Variants in UNC5C observed in about 807,000 individuals in gnomAD.
UNC5C encodes the protein netrin receptor UNC5C.
In UNC5C, 47 loss-of-function variants were observed where a neutral mutation model predicts 99.8. The observed-to-expected ratio is 0.47, with a 90% CI of 0.37 to 0.60. The LOEUF (loss-of-function observed/expected upper bound fraction) is 0.60. Ranked by LOEUF, UNC5C falls within the 20% of genes least tolerant of loss-of-function variation. The pLI is 0.00. For missense variants in UNC5C, 1,062 were observed against 1,165.9 expected (o/e 0.91, Z 1.30); for synonymous variants, 487 against 452.2 (o/e 1.08, Z -0.98).
At chr4:95,314,037 A>G (rs1742377665) in intron 2 of UNC5C, among the ~76,000 whole-genome samples, 1 of 152,210 alleles carries the variant, frequency 6.6e-6, no homozygotes, top group Non-Finnish European at 1.5e-5. Context: ...AATCCATAAA[A>G]TGTCTTTAAA....
intron 1 of UNC5C, among the ~76,000 whole-genome samples, chr4:95,511,457 T>G (rs1560489232): frequency 6.6e-6 from 1 of 152,224 alleles, no homozygotes; most frequent in African/African-American, 2.4e-5. Flanking sequence ...GCCATTAGTA[T>G]TAAAAGTGTT....
intron 1 of UNC5C, among the ~76,000 whole-genome samples, chr4:95,445,647 G>GA (rs1309072045): frequency 6.6e-6 from 1 of 152,154 alleles, no homozygotes; most frequent in African/African-American, 2.4e-5. Context: ...ATTTAGAGGA[G>GA]AAAGTACAAG....
At chr4:95,462,632 T>C (rs893372437) in intron 1 of UNC5C, among the ~76,000 whole-genome samples, 1 of 152,220 alleles carries the variant, frequency 6.6e-6, no homozygotes, top group African/African-American at 2.4e-5. Context: ...TTAACTGCTG[T>C]AATGTTTTAG....
chr4:95,198,325 C>T lies in UNC5C; in HGVS notation c.2136+4406G>A, dbSNP rs189127990. On this transcript the variant is annotated intron_variant, in intron 12 of 15. Coordinates refer to ENST00000453304, the MANE Select transcript of UNC5C (RefSeq NM_003728.4). ...CCTTAAGAACAAAGGGTAGCTTCCA[C>T]GCATCTTGTGGGAGAGAGAGATGGA... Among the ~76,000 whole-genome samples, 303 of 152,200 alleles carry T rather than the reference C, an allele frequency of 2.0e-3. 1 individual carries two copies. Among genetic ancestry groups the T allele is most frequent in the African/African-American group, 7.0e-3 (290 of 41,534 alleles).
At chr4:95,263,312 TA>T (rs1209075576) in intron 4 of UNC5C, among the ~76,000 whole-genome samples, 1 of 152,204 alleles carries the variant, frequency 6.6e-6, no homozygotes, top group African/African-American at 2.4e-5. Flanking sequence ...ATTTTTTAGA[TA>T]CCAACATAAA....
At chr4:95,274,983 G>A (rs1740802608) in intron 4 of UNC5C, among the ~76,000 whole-genome samples, 1 of 150,156 alleles carries the variant, frequency 6.7e-6, no homozygotes, top group South Asian at 2.1e-4. Flanking sequence ...CCAAGATCAC[G>A]CCACTGCACT....
chr4:95,189,550 G>C (rs1172428682), intron 12 of UNC5C, among the ~76,000 whole-genome samples: 1 of 152,166 alleles, frequency 6.6e-6, no homozygotes, highest in East Asian at 1.9e-4. Flanking sequence ...TGAGTGAACA[G>C]GCAACCTACA....
At chr4:95,498,146 G>A (rs1026555430) in intron 1 of UNC5C, among the ~76,000 whole-genome samples, 2 of 151,956 alleles carry the variant, frequency 1.3e-5, no homozygotes, top group African/African-American at 4.8e-5. Context: ...CATGGACCCC[G>A]AAAGTCAGTA....
At chr4:95,440,839 T>C (rs1462188186) in intron 1 of UNC5C, among the ~76,000 whole-genome samples, 5 of 152,202 alleles carry the variant, frequency 3.3e-5, no homozygotes, top group African/African-American at 4.8e-5. Context: ...TAAATAATAC[T>C]TAACACTTAC....
Position 95,269,337 on chromosome 4 carries a change from G to A in UNC5C, c.594+8922C>T, listed in dbSNP as rs182100414. Among the ~76,000 whole-genome samples, 242 of 152,268 alleles carry A rather than the reference G, an allele frequency of 1.6e-3. 2 individuals are homozygous for A. The highest frequency in any genetic ancestry group is 2.5e-3 in the Non-Finnish European group (173 of 68,018). ...AGGGTCTTGCTCTGTTACCCCAGCT[G>A]GAGTGCAGTGGTGTGATGACGGCTC... On this transcript the variant is annotated intron_variant, in intron 4 of 15. Transcript: ENST00000453304.
chr4:95,234,574 A>G (rs761063329), intron 7 of UNC5C, among the ~76,000 whole-genome samples: 21 of 152,160 alleles, frequency 1.4e-4, no homozygotes, highest in African/African-American at 2.7e-4. Context: ...TTTGAAAACA[A>G]TTAAGTATGT....
intron 1 of UNC5C, among the ~76,000 whole-genome samples, chr4:95,415,959 C>A (rs1340639719): frequency 6.6e-6 from 1 of 151,794 alleles, no homozygotes; most frequent in Non-Finnish European, 1.5e-5. Context: ...ATTATGTCTC[C>A]TCTCATCCCC....
intron 1 of UNC5C, among the ~76,000 whole-genome samples, chr4:95,398,071 T>TAA (rs1472247169): frequency 6.8e-6 from 1 of 148,066 alleles, no homozygotes; most frequent in Non-Finnish European, 1.5e-5. Flanking sequence ...TTTGCTTATG[T>TAA]AAAATGCTAC....
chr4:95,421,111 T>TA (rs1449641185), intron 1 of UNC5C, among the ~76,000 whole-genome samples: 1 of 152,216 alleles, frequency 6.6e-6, no homozygotes, highest in African/African-American at 2.4e-5. Context: ...ATTTTCAACC[T>TA]AAAATCCCCT....
chr4:95,350,204 C>T (rs1243311369), intron 1 of UNC5C, among the ~76,000 whole-genome samples: 1 of 152,000 alleles, frequency 6.6e-6, no homozygotes, highest in East Asian at 1.9e-4. Flanking sequence ...AGAAAAAGTT[C>T]CGGCTGGGCG....
chr4:95,322,131 T>G (rs564301925), intron 2 of UNC5C, among the ~76,000 whole-genome samples: 1 of 152,360 alleles, frequency 6.6e-6, no homozygotes, highest in African/African-American at 2.4e-5. Context: ...TTTTCAAATT[T>G]TATGCATCAT....
At chr4:95,413,934 T>C (rs1746083666) in intron 1 of UNC5C, among the ~76,000 whole-genome samples, 1 of 152,224 alleles carries the variant, frequency 6.6e-6, no homozygotes, top group African/African-American at 2.4e-5. Context: ...GTTGTGTCTT[T>C]ACCATCAAAG....
intron 1 of UNC5C, among the ~76,000 whole-genome samples, chr4:95,349,821 C>T (rs1743921342): frequency 6.6e-6 from 1 of 152,008 alleles, no homozygotes; most frequent in Admixed American, 6.6e-5. Context: ...TTTTCCAATG[C>T]CCTAACGTCC....
intron 4 of UNC5C, among the ~76,000 whole-genome samples, chr4:95,258,754 T>TTTTTTTTTTTTTTTTTC (rs1740104260): frequency 8.9e-6 from 1 of 111,932 alleles, no homozygotes; most frequent in Non-Finnish European, 2.0e-5. Context: ...TTCTTTTTTT[T>TTTTTTTTTTTTTTTTTC]TTTTTTTTTT....
Sources: gnomAD v4.1 joint callset for allele counts (sites outside exome capture counted in the v4.1 genomes callset) on GRCh38, gnomAD v4.1.1 for gene constraint, MANE v1.5 for transcripts, NCBI Gene and HGNC (gene_info 2026-07-23, HGNC 2026-07-21) for gene names.